Variants in CRPPA observed in about 807,000 individuals in gnomAD.
CRPPA encodes the protein CDP-L-ribitol pyrophosphorylase A.
In CRPPA, 43 loss-of-function variants were observed where a neutral mutation model predicts 52.0. The observed-to-expected ratio is 0.83, with a 90% CI of 0.65 to 1.07. The LOEUF (loss-of-function observed/expected upper bound fraction) is 1.07. Among genes scored for constraint, CRPPA ranks in the 50% least tolerant of loss-of-function variants. CRPPA has a pLI of 0.00. For missense variants in CRPPA, 629 were observed against 551.7 expected (o/e 1.14, Z -1.40); for synonymous variants, 250 against 203.5 (o/e 1.23, Z -1.94).
intron 3 of CRPPA, among the ~76,000 whole-genome samples, chr7:16,341,543 T>C (rs1785831459): frequency 6.6e-6 from 1 of 152,220 alleles, no homozygotes; most frequent in Non-Finnish European, 1.5e-5. Flanking sequence ...ACAAGTCCTG[T>C]TTGTTGTACA....
intron 9 of CRPPA, among the ~76,000 whole-genome samples, chr7:16,120,838 A>G (rs1164374802): frequency 6.7e-6 from 1 of 149,482 alleles, no homozygotes; most frequent in Non-Finnish European, 1.5e-5. Flanking sequence ...AACATGACTA[A>G]TAATTCTGAA....
At chr7:16,154,473 A>G (rs1783135923) in intron 9 of CRPPA, among the ~76,000 whole-genome samples, 1 of 152,146 alleles carries the variant, frequency 6.6e-6, no homozygotes, top group African/African-American at 2.4e-5. Flanking sequence ...CTCATGAATT[A>G]TATGTTAAAT....
At chr7:16,106,690 T>C (rs576091802) in intron 9 of CRPPA, among the ~76,000 whole-genome samples, 7 of 152,212 alleles carry the variant, frequency 4.6e-5, no homozygotes, top group Admixed American at 1.3e-4. Context: ...CTGTCTCAAA[T>C]GTACAGACAA....
chr7:16,379,530 G>A (rs573460297), intron 2 of CRPPA, among the ~76,000 whole-genome samples: 8 of 152,290 alleles, frequency 5.3e-5, no homozygotes, highest in African/African-American at 1.9e-4. Context: ...TATGAAGAAA[G>A]TCATTGGTAG....
intron 6 of CRPPA, among the ~76,000 whole-genome samples, chr7:16,273,013 G>A (rs1311141162): frequency 2.0e-5 from 3 of 150,422 alleles, no homozygotes; most frequent in Admixed American, 1.3e-4. Flanking sequence ...TGTGCACAAT[G>A]TGCAGGTTAG....
chr7:16,295,284 T>A (rs1220459512), intron 5 of CRPPA, among the ~76,000 whole-genome samples: 4 of 152,040 alleles, frequency 2.6e-5, no homozygotes, highest in African/African-American at 4.8e-5. Context: ...CCAACAAGAA[T>A]TTCAGAGAAA....
At chr7:16,305,880 AAAAC>A (rs1471170173) in intron 4 of CRPPA, among the ~76,000 whole-genome samples, 1 of 152,172 alleles carries the variant, frequency 6.6e-6, no homozygotes, top group Non-Finnish European at 1.5e-5. Flanking sequence ...GACTCCGTCA[AAAAC>A]AAACAAACAA....
chr7:16,371,691 C>A (rs1365899334), intron 3 of CRPPA, among the ~76,000 whole-genome samples: 1 of 151,506 alleles, frequency 6.6e-6, no homozygotes, highest in Non-Finnish European at 1.5e-5. Context: ...AGATCCCAAG[C>A]AATGGATACA....
chr7:16,407,553 A>G (rs1280411116), intron 1 of CRPPA, among the ~76,000 whole-genome samples: 1 of 152,194 alleles, frequency 6.6e-6, no homozygotes, highest in African/African-American at 2.4e-5. Context: ...TCTTTAGAAT[A>G]TTTTTAAAGA....
At chr7:16,362,652 A>G (rs924457201) in intron 3 of CRPPA, among the ~76,000 whole-genome samples, 5 of 152,214 alleles carry the variant, frequency 3.3e-5, no homozygotes, top group Non-Finnish European at 7.3e-5. Context: ...GGTATGAGAG[A>G]AAGTTATTAA....
At chr7:16,286,765 T>G (rs910363764) in intron 5 of CRPPA, among the ~76,000 whole-genome samples, 7 of 152,280 alleles carry the variant, frequency 4.6e-5, no homozygotes, top group African/African-American at 1.4e-4. Flanking sequence ...TAAAAGTATC[T>G]CTCTCAAATA....
chr7:16,182,463 C>A (rs1353594308), intron 9 of CRPPA, among the ~76,000 whole-genome samples: 1 of 152,082 alleles, frequency 6.6e-6, no homozygotes, highest in Admixed American at 6.6e-5. Flanking sequence ...ATAATAACAT[C>A]TTGGTCCATT....
At position 16,360,955 on chromosome 7, in the gene CRPPA, G is replaced by C. The variant is rs138501337; in HGVS notation, c.684+15137C>G. On this transcript the variant is annotated intron_variant, in intron 3 of 9. Coordinates refer to ENST00000407010, the MANE Select transcript of CRPPA (RefSeq NM_001101426.4). ...CAATCTCTGGAATAGAAGAGAATAT[G>C]TATAAATCATACCTGAAAAGGTTTA... Among the ~76,000 whole-genome samples, 2 of 152,214 alleles carry C rather than the reference G, an allele frequency of 1.3e-5. 1 individual carries two copies. Among genetic ancestry groups the C allele is most frequent in the East Asian group, 3.9e-4 (2 of 5,158 alleles).
At chr7:16,114,301 C>CACAA (rs1338420485) in intron 9 of CRPPA, among the ~76,000 whole-genome samples, 19 of 151,612 alleles carry the variant, frequency 1.3e-4, no homozygotes, top group Non-Finnish European at 2.2e-4. Flanking sequence ...CACATACACA[C>CACAA]ACACACACAC....
rs545663821 is a variant in CRPPA, at chr7:16,303,477, T to TAAAAAAAAAAAAAAAAAAAAAA, written c.790-2033_790-2012dup. 2.6e-3 allele frequency among the ~76,000 whole-genome samples: 116 copies of TAAAAAAAAAAAAAAAAAAAAAA among 44,970 alleles called. 9 individuals are homozygous for TAAAAAAAAAAAAAAAAAAAAAA. Among genetic ancestry groups the TAAAAAAAAAAAAAAAAAAAAAA allele is most frequent in the East Asian group, 8.5e-3 (8 of 946 alleles). The allele number at this position is 44,970 out of a possible 152,430, so 29.5% of individuals were successfully genotyped here. On this transcript the variant is annotated intron_variant, in intron 4 of 9. Coordinates refer to ENST00000407010, the MANE Select transcript of CRPPA (RefSeq NM_001101426.4). The stretch of plus-strand genomic sequence containing the variant: ...GTTTCTGTGTTGAGACATAAAATAG[T>TAAAAAAAAAAAAAAAAAAAAAA]AAAAAAAAAAAAAAAAAAAAAAAAA...
intron 6 of CRPPA, among the ~76,000 whole-genome samples, chr7:16,266,482 CTT>C (rs71549980): frequency 4.9e-5 from 7 of 142,840 alleles, no homozygotes; most frequent in Non-Finnish European, 4.6e-5. Flanking sequence ...TTTTGTTTTT[CTT>C]TTTTTTTTTT....
chr7:16,113,537 A>G (rs1441620282), intron 9 of CRPPA, among the ~76,000 whole-genome samples: 1 of 152,150 alleles, frequency 6.6e-6, no homozygotes, highest in East Asian at 1.9e-4. Flanking sequence ...AATACTAAGT[A>G]GAGACAATCT....
At chr7:16,283,188 C>T (rs945406369) in intron 5 of CRPPA, among the ~76,000 whole-genome samples, 4 of 150,976 alleles carry the variant, frequency 2.6e-5, no homozygotes, top group African/African-American at 9.7e-5. Flanking sequence ...AATATGGTTT[C>T]ATATATATGA....
intron 9 of CRPPA, among the ~76,000 whole-genome samples, chr7:16,092,610 C>G (rs1244157497): frequency 1.3e-5 from 2 of 152,182 alleles, no homozygotes; most frequent in Admixed American, 1.3e-4. Context: ...ACCTTCTGTC[C>G]TCAATTACTG....
Sources: allele counts gnomAD v4.1 joint callset (sites outside exome capture counted in the v4.1 genomes callset), GRCh38; gene constraint gnomAD v4.1.1; transcripts MANE v1.5; gene names NCBI Gene and HGNC (gene_info 2026-07-23, HGNC 2026-07-21).